Variants in FAM135A observed in about 807,000 individuals in gnomAD.
The protein encoded by FAM135A is protein FAM135A.
In FAM135A, 79 loss-of-function variants were observed where a neutral mutation model predicts 146.8. The observed-to-expected ratio is 0.54, with a 90% CI of 0.45 to 0.65. The LOEUF (loss-of-function observed/expected upper bound fraction) is 0.65. FAM135A is among the 30% of genes least tolerant of loss of function. FAM135A has a pLI of 0.00. For synonymous variants in FAM135A, 562 were observed against 603.6 expected, an observed-to-expected ratio of 0.93 and a Z score of 1.01; for missense variants, 1,623 against 1,758.2, an observed-to-expected ratio of 0.92 and a Z score of 1.38.
chr6:70,554,936 T>C (rs1800550083), intron 20 of FAM135A, among the ~76,000 whole-genome samples: 1 of 152,174 alleles, frequency 6.6e-6, no homozygotes, highest in African/African-American at 2.4e-5. Context: ...TAATTATATT[T>C]TCATAAAATA....
chr6:70,498,408 A>G (rs2128238707), intron 11 of FAM135A, among the ~76,000 whole-genome samples: 1 of 151,616 alleles, frequency 6.6e-6, no homozygotes, highest in South Asian at 2.1e-4. Context: ...TATTTTGTTA[A>G]TCTTTTCAAA....
At chr6:70,479,675 T>G (rs1334183516) in intron 8 of FAM135A, among the ~76,000 whole-genome samples, 1 of 152,198 alleles carries the variant, frequency 6.6e-6, no homozygotes, top group East Asian at 1.9e-4. Context: ...AGGTTTTTCC[T>G]GAAGTTTTAT....
At chr6:70,559,164 G>C (rs1342914746) in intron 21 of FAM135A, among the ~76,000 whole-genome samples, 1 of 152,138 alleles carries the variant, frequency 6.6e-6, no homozygotes, top group African/African-American at 2.4e-5. Context: ...ATTTCGGCTG[G>C]GCGCAGGGGC....
chr6:70,550,521 G>A (rs1799631619), intron 20 of FAM135A, among the ~76,000 whole-genome samples: 1 of 152,184 alleles, frequency 6.6e-6, no homozygotes, highest in Admixed American at 6.5e-5. Flanking sequence ...ATTTTGAAAG[G>A]AATCTTTTTT....
chr6:70,443,446 A>G (rs1582138442), intron 4 of FAM135A, among the ~76,000 whole-genome samples: 2 of 152,374 alleles, frequency 1.3e-5, no homozygotes, highest in East Asian at 3.9e-4. Context: ...ACTTAGCAGC[A>G]ATGAGCTATG....
intron 20 of FAM135A, among the ~76,000 whole-genome samples, chr6:70,552,359 C>G (rs184524774): frequency 6.6e-6 from 1 of 151,718 alleles, no homozygotes; most frequent in East Asian, 1.9e-4. Context: ...AAAAATGAGG[C>G]ATGCCTGTAC....
At position 70,420,845 on chromosome 6, in the gene FAM135A, A is replaced by G. The variant is rs148151196; in HGVS notation, c.-134+5469A>G. On this transcript the variant is annotated intron_variant, in intron 2 of 21. Transcript: ENST00000418814. ...GTACTAAGTCTTTGAAATTCTTTGT[A>G]TACTTTATACTTACAGCATACCTCA... 3.1e-3 allele frequency among the ~76,000 whole-genome samples: 465 copies of G among 151,866 alleles called. 1 individual carries two copies. Among genetic ancestry groups the G allele is most frequent in the African/African-American group, 0.01 (419 of 41,466 alleles).
At position 70,485,767 on chromosome 6, in the gene FAM135A, C is replaced by CAT. The variant is rs567355360; in HGVS notation, c.823+3617_823+3618dup. On this transcript the variant is annotated intron_variant, in intron 10 of 21. Coordinates refer to ENST00000418814, the MANE Select transcript of FAM135A (RefSeq NM_001162529.3). ...ATGAATGATGTACATTTTCTGATGA[C>CAT]ATATAATTAAATATTGGTTTGGTGC... Among the ~76,000 whole-genome samples the CAT allele has an allele frequency of 3.2e-3, 494 of 152,162 alleles. 3 individuals are homozygous for CAT. Among genetic ancestry groups the CAT allele is most frequent in the African/African-American group, 0.011 (473 of 41,512 alleles).
intron 12 of FAM135A, among the ~76,000 whole-genome samples, chr6:70,507,622 T>C (rs1378357991): frequency 1.3e-5 from 2 of 152,122 alleles, no homozygotes; most frequent in East Asian, 3.9e-4. Context: ...ACTATATTAT[T>C]TAATATTAAG....
At chr6:70,445,680 C>A (rs532110994) in intron 4 of FAM135A, among the ~76,000 whole-genome samples, 1 of 152,206 alleles carries the variant, frequency 6.6e-6, no homozygotes, top group Non-Finnish European at 1.5e-5. Context: ...GGTTTAAGAA[C>A]GCTTTTAAGC....
At chr6:70,436,646 G>A (rs896092282) in intron 4 of FAM135A, among the ~76,000 whole-genome samples, 2 of 152,028 alleles carry the variant, frequency 1.3e-5, no homozygotes, top group Admixed American at 6.5e-5. Context: ...AATCATAATT[G>A]CCAATGTGTA....
chr6:70,549,895 A>G (rs1296842866), intron 20 of FAM135A, among the ~76,000 whole-genome samples: 1 of 152,134 alleles, frequency 6.6e-6, no homozygotes, highest in Non-Finnish European at 1.5e-5. Flanking sequence ...AAACCCTGCC[A>G]CTGCTTTTTC....
At chr6:70,469,066 A>G (rs148584988) in intron 5 of FAM135A, among the ~76,000 whole-genome samples, 157 of 152,282 alleles carry the variant, frequency 1.0e-3, no homozygotes, top group Non-Finnish European at 1.0e-3. Flanking sequence ...ATTTTTCTCC[A>G]TAGCACTTAA....
chr6:70,519,663 G>A (rs778677671), intron 12 of FAM135A, among the ~76,000 whole-genome samples: 4 of 152,208 alleles, frequency 2.6e-5, no homozygotes, highest in African/African-American at 4.8e-5. Context: ...ATGATCATTA[G>A]CATTTTTAAC....
At chr6:70,509,303 A>G (rs2128285934) in intron 12 of FAM135A, among the ~76,000 whole-genome samples, 1 of 152,264 alleles carries the variant, frequency 6.6e-6, no homozygotes, top group Non-Finnish European at 1.5e-5. Context: ...CTTGAACTAT[A>G]AAATGGAACT....
intron 21 of FAM135A, 145 bp from the exon 22 acceptor site, chr6:70,559,571 T>C: frequency 1.7e-6 from 1 of 590,100 alleles, no homozygotes; most frequent in Non-Finnish European, 2.8e-6. Flanking sequence ...TGAAGGAAAA[T>C]TAAACCTTTT....
intron 12 of FAM135A, among the ~76,000 whole-genome samples, chr6:70,509,192 G>A (rs1790454813): frequency 6.6e-6 from 1 of 152,116 alleles, no homozygotes; most frequent in South Asian, 2.1e-4. Context: ...CCAGCACTGT[G>A]GAAGGTGGAG....
chr6:70,542,680 A>G (rs900520738), intron 20 of FAM135A, among the ~76,000 whole-genome samples: 4 of 152,040 alleles, frequency 2.6e-5, no homozygotes, highest in African/African-American at 7.2e-5. Flanking sequence ...TATGTCCCCA[A>G]TCTTATGTCT....
At chr6:70,543,251 C>T (rs1224453547) in intron 20 of FAM135A, among the ~76,000 whole-genome samples, 1 of 152,168 alleles carries the variant, frequency 6.6e-6, no homozygotes, top group Non-Finnish European at 1.5e-5. Context: ...TAAGCCCTGG[C>T]CATTTAAACC....
Sources: allele counts gnomAD v4.1 joint callset (sites outside exome capture counted in the v4.1 genomes callset), GRCh38; gene constraint gnomAD v4.1.1; transcripts MANE v1.5; gene names NCBI Gene and HGNC (gene_info 2026-07-23, HGNC 2026-07-21).